Variants in TMEM164 observed in about 807,000 individuals in gnomAD.
TMEM164 encodes transmembrane protein 164.
A neutral mutation model predicts 18.8 loss-of-function variants in TMEM164; 4 were observed. The observed-to-expected ratio is 0.21, with a 90% CI of 0.10 to 0.49. The LOEUF (loss-of-function observed/expected upper bound fraction) is 0.49, where lower values mean the gene tolerates loss of function less well. Among genes scored for constraint, TMEM164 ranks in the 20% least tolerant of loss-of-function variants. The pLI is 0.98. For synonymous variants in TMEM164, 86 were observed against 101.7 expected (o/e 0.85, Z 0.93); for missense variants, 108 against 239.9 (o/e 0.45, Z 3.63).
intron 5 of TMEM164, among the ~76,000 whole-genome samples, chrX:110,147,229 C>T (rs2066869659): frequency 8.9e-6 from 1 of 111,997 alleles, no homozygotes; most frequent in African/African-American, 3.2e-5. Context: ...TTCCTTCAAA[C>T]TTGTTGCCTG....
intron 4 of TMEM164, among the ~76,000 whole-genome samples, chrX:110,131,551 C>T (rs147598105): frequency 9.0e-5 from 10 of 111,164 alleles, no homozygotes; most frequent in East Asian, 5.7e-4. Flanking sequence ...AAAGGGGCCT[C>T]GTTGATCCCC....
Position 110,007,851 on chromosome X carries a change from C to T in TMEM164, c.390+3687C>T, listed in dbSNP as rs550199675. On this transcript the variant is annotated intron_variant, in intron 2 of 6. Transcript: ENST00000372068. ...TTTAATTGTCCAATTCCTGTTGGTT[C>T]TGTATGTGTCTGTGCCAACATCTCC... 2.0e-4 allele frequency among the ~76,000 whole-genome samples: 22 copies of T among 112,182 alleles called. No homozygotes were observed. In the East Asian group the frequency reaches 4.7e-3, roughly 24 times the overall value.
chrX:110,003,632 C>T lies in TMEM164; in HGVS notation c.-143C>T. 2.9e-6 allele frequency: 2 copies of T among 686,295 alleles called. No homozygotes were observed. Among genetic ancestry groups the T allele is most frequent in the Non-Finnish European group, 4.3e-6 (2 of 464,854 alleles). The allele number at this position is 686,295 out of a possible 1,213,427, so 56.6% of individuals were successfully genotyped here. ...CGGGCCTTGCGTGTAGCTTCCCCTC[C>T]CCTACTCTCGGTGCCCTGGTGTCTG... On this transcript the variant is annotated 5_prime_UTR_variant, in exon 2 of 7. Transcript: ENST00000372068.
chrX:110,044,329 G>T (rs1012328340), intron 2 of TMEM164, among the ~76,000 whole-genome samples: 2 of 112,447 alleles, frequency 1.8e-5, no homozygotes, highest in South Asian at 7.3e-4. Context: ...GGGAAACATT[G>T]TTTTCCAGGA....
chrX:110,125,041 A>C (rs147607639), intron 4 of TMEM164, among the ~76,000 whole-genome samples: 52 of 112,435 alleles, frequency 4.6e-4, no homozygotes, highest in African/African-American at 1.6e-3. Flanking sequence ...ATCTAGCCAA[A>C]TCACTGTTCC....
intron 2 of TMEM164, among the ~76,000 whole-genome samples, chrX:110,057,036 G>A (rs1275465993): frequency 9.1e-6 from 1 of 110,417 alleles, no homozygotes; most frequent in Non-Finnish European, 1.9e-5. Flanking sequence ...GTGTGTGTTG[G>A]AAATACTTAG....
intron 3 of TMEM164, among the ~76,000 whole-genome samples, chrX:110,104,738 A>G (rs778424258): frequency 1.1e-4 from 12 of 112,081 alleles, no homozygotes; most frequent in African/African-American, 3.6e-4. Flanking sequence ...TATAATACAT[A>G]TAACATACAA....
downstream of TMEM164, among the ~76,000 whole-genome samples, chrX:110,180,493 GCC>G (rs767896230): frequency 1.2e-5 from 1 of 81,470 alleles, no homozygotes; most frequent in African/African-American, 7.6e-5. Flanking sequence ...GAACCCCCCC[GCC>G]CCGCCCACAG....
chrX:110,068,218 T>G lies in TMEM164; in HGVS notation c.440+822T>G, dbSNP rs950498915. ...TGGCTTTCTGATTTACTTAAGTCAT[T>G]AAAGTGTTAGGTAGGGGAAAAAGGA... On this transcript the variant is annotated intron_variant, in intron 3 of 6. Coordinates refer to ENST00000372068, the MANE Select transcript of TMEM164 (RefSeq NM_032227.4). Among the ~76,000 whole-genome samples the G allele has an allele frequency of 8.9e-5, 10 of 112,285 alleles. No homozygotes were observed. The Admixed American group carries it at 9.4e-4, about 11-fold the overall frequency.
intron 3 of TMEM164, among the ~76,000 whole-genome samples, chrX:110,099,167 A>G (rs1340335766): frequency 9.1e-6 from 1 of 109,778 alleles, no homozygotes; most frequent in African/African-American, 3.3e-5. Flanking sequence ...TCTTTGTTGG[A>G]TATGTGATTT....
At chrX:110,019,826 T>C (rs1473950995) in intron 2 of TMEM164, among the ~76,000 whole-genome samples, 1 of 112,200 alleles carries the variant, frequency 8.9e-6, no homozygotes, top group Non-Finnish European at 1.9e-5. Flanking sequence ...CTCCTTATGA[T>C]AGGATTCGGT....
intron 3 of TMEM164, among the ~76,000 whole-genome samples, chrX:110,072,530 T>G (rs1226907700): frequency 9.0e-6 from 1 of 110,788 alleles, no homozygotes; most frequent in Non-Finnish European, 1.9e-5. Context: ...TAGTTGAGCA[T>G]GTAGTATCCT....
At chrX:110,049,250 G>C (rs1238321740) in intron 2 of TMEM164, among the ~76,000 whole-genome samples, 1 of 111,107 alleles carries the variant, frequency 9.0e-6, no homozygotes, top group Admixed American at 9.5e-5. Context: ...GGTTTCTGCT[G>C]CTCAGAATAG....
chrX:110,006,856 G>A (rs957764420), intron 2 of TMEM164, among the ~76,000 whole-genome samples: 3 of 112,481 alleles, frequency 2.7e-5, no homozygotes, highest in Non-Finnish European at 5.6e-5. Flanking sequence ...AGCTGAATTA[G>A]GCTATGTTGT....
intron 3 of TMEM164, among the ~76,000 whole-genome samples, chrX:110,103,877 C>T (rs1437144705): frequency 9.0e-6 from 1 of 110,531 alleles, no homozygotes; most frequent in Non-Finnish European, 1.9e-5. Flanking sequence ...AGGGAAGGGT[C>T]GACCCTTGAA....
At chrX:110,035,267 A>G (rs1170301046) in intron 2 of TMEM164, among the ~76,000 whole-genome samples, 1 of 110,221 alleles carries the variant, frequency 9.1e-6, no homozygotes, top group Non-Finnish European at 1.9e-5. Flanking sequence ...ATAAATAAAA[A>G]TCACTCATAG....
At chrX:110,103,688 T>C (rs1022189041) in intron 3 of TMEM164, among the ~76,000 whole-genome samples, 2 of 111,777 alleles carry the variant, frequency 1.8e-5, no homozygotes, top group Non-Finnish European at 3.8e-5. Flanking sequence ...TACCAAAATA[T>C]CACAATATAC....
At position 110,003,546 on chromosome X, in the gene TMEM164, G is replaced by A; in HGVS notation, c.-229G>A. ...AACCCTGCCTCGTTGGTGGCCACTG[G>A]AGAAGCGCGGGGGGCTCCCCCAGAC... On this transcript the variant is annotated 5_prime_UTR_variant, in exon 2 of 7. Transcript: ENST00000372068. The A allele has an allele frequency of 2.8e-6, 1 of 352,506 alleles. No individual in the cohort carries two copies. The highest frequency in any genetic ancestry group is 4.8e-6 in the Non-Finnish European group (1 of 206,714). The allele number at this position is 352,506 out of a possible 1,213,427, so 29.1% of individuals were successfully genotyped here. A position where few individuals can be genotyped will look rare whatever the true frequency, so the allele number is the denominator to read the frequency against.
intron 4 of TMEM164, among the ~76,000 whole-genome samples, chrX:110,121,419 A>G (rs933584389): frequency 4.5e-5 from 5 of 112,129 alleles, no homozygotes; most frequent in Non-Finnish European, 9.4e-5. Context: ...GGATTTGCCT[A>G]TTCTGGACAT....
Sources: allele counts gnomAD v4.1 joint callset (sites outside exome capture counted in the v4.1 genomes callset), GRCh38; gene constraint gnomAD v4.1.1; transcripts MANE v1.5; gene names NCBI Gene and HGNC (gene_info 2026-07-23, HGNC 2026-07-21).